Variants in PATL1 observed in about 807,000 individuals in gnomAD.
The protein encoded by PATL1 is protein PAT1 homolog 1.
PATL1 carries 32 observed loss-of-function variants against 100.6 expected under a neutral mutation model. The observed-to-expected ratio is 0.32, with a 90% confidence interval of 0.24 to 0.43. PATL1 has a LOEUF of 0.43. Among genes scored for constraint, PATL1 ranks in the 20% least tolerant of loss-of-function variants. The probability of loss-of-function intolerance (pLI) is 1.00; values close to 1 mark genes in which losing one functional copy is unlikely to be tolerated. For synonymous variants in PATL1, 332 were observed against 330.0 expected (o/e 1.01, Z -0.07); for missense variants, 747 against 949.9 (o/e 0.79, Z 2.81).
chr11:59,667,717 G>A (rs1215140762), intron 1 of PATL1, among the ~76,000 whole-genome samples: 1 of 152,218 alleles, frequency 6.6e-6, no homozygotes, highest in Non-Finnish European at 1.5e-5. Context: ...AGAGAGTTGT[G>A]ATGATCAAAG....
chr11:59,639,324 G>T lies in PATL1; in HGVS notation c.2109C>A (p.Asp703Glu). The T allele has an allele frequency of 6.4e-7, 1 of 1,551,450 alleles. No individual in the cohort carries two copies. The highest frequency in any genetic ancestry group is 8.7e-7 in the Non-Finnish European group (1 of 1,147,164). ...TATTTTGTGTTGATTCTGTAGCAGGGTCTGAACTCTGTAGGTCTTCACCAC... is the reference window on the plus strand; with the variant it reads ...TATTTTGTGTTGATTCTGTAGCAGGTTCTGAACTCTGTAGGTCTTCACCAC... ...LSRGEDLQSS[D>E]PATESTQNNQ... Residue 703 changes from aspartate (D) to glutamate (E), a missense_variant, in exon 17 of 19, where the codon GAC becomes GAA. Around this residue, in one of 4 missense-constraint regions of PATL1, gnomAD observed 434 missense variants for 596.1 expected, o/e 0.73. Coordinates refer to ENST00000300146, the MANE Select transcript of PATL1 (RefSeq NM_152716.3).
At chr11:59,656,352 A>G (rs1305309578) in intron 6 of PATL1, 147 bp downstream of exon 6, 2 of 712,146 alleles carry the variant, frequency 2.8e-6, no homozygotes, top group African/African-American at 1.8e-5. Flanking sequence ...ACCTGGGGAC[A>G]ATTAGATCCA....
chr11:59,668,833 A>G, intron 1 of PATL1, 48 bp downstream of exon 1: 3 of 812,600 alleles, frequency 3.7e-6, no homozygotes, highest in Admixed American at 2.7e-5. Context: ...AGTGAGGGAG[A>G]GGGGCGCGGG....
At chr11:59,660,507 G>GT (rs1263456434) in intron 2 of PATL1, among the ~76,000 whole-genome samples, 1 of 152,208 alleles carries the variant, frequency 6.6e-6, no homozygotes, top group Non-Finnish European at 1.5e-5. Flanking sequence ...ATTCTAAAGA[G>GT]TAAGAGGGTT....
intron 14 of PATL1, 40 bp downstream of exon 14, chr11:59,649,422 G>T (rs1405322094): frequency 3.7e-6 from 6 of 1,602,816 alleles, no homozygotes; most frequent in Middle Eastern, 1.7e-4. Flanking sequence ...ACAGAGGAAG[G>T]AGTCCAGTTA....
Position 59,650,815 on chromosome 11 carries a change from T to A in PATL1, c.1525-2A>T. On this transcript the variant is annotated splice_acceptor_variant, in intron 12 of 18. Transcript: ENST00000300146. LOFTEE classifies it high-confidence loss of function. ...TCGAACTTGTTTTTCTTTTGTCTCC[T>A]AAAAAAGAGAAGACTATTCAATGCA... 6.5e-7 allele frequency: 1 copy of A among 1,545,752 alleles called. No homozygotes were observed.
At chr11:59,660,611 A>G (rs1861613814) in intron 2 of PATL1, among the ~76,000 whole-genome samples, 1 of 152,126 alleles carries the variant, frequency 6.6e-6, no homozygotes, top group Admixed American at 6.6e-5. Flanking sequence ...GTTTTGAGAA[A>G]CGGCAAGGAG....
chr11:59,664,715 T>C (rs983019436), intron 2 of PATL1, among the ~76,000 whole-genome samples: 5 of 152,126 alleles, frequency 3.3e-5, no homozygotes, highest in African/African-American at 1.2e-4. Flanking sequence ...AAGTGGTACA[T>C]ACCATCATGC....
intron 1 of PATL1, among the ~76,000 whole-genome samples, chr11:59,667,307 C>T (rs12275857): frequency 0.03 from 4,545 of 152,276 alleles, 220 homozygotes; most frequent in African/African-American, 0.1. Flanking sequence ...ATACTGATGA[C>T]AATTAATAAT....
chr11:59,652,823 G>A lies in PATL1; in HGVS notation c.1302+15C>T, dbSNP rs1861465733. 1 of 1,610,020 alleles carries A rather than the reference G, an allele frequency of 6.2e-7. No homozygotes were observed. Among genetic ancestry groups the A allele is most frequent in the Non-Finnish European group, 8.5e-7 (1 of 1,177,650 alleles). On this transcript the variant is annotated intron_variant, in intron 10 of 18. Transcript: ENST00000300146. ...GACCAAACTATTATCCTCAAAACTA[G>A]CACAGAGTATTTACCTGGTAATAAA...
At chr11:59,643,602 G>C (rs778015194) in intron 15 of PATL1, among the ~76,000 whole-genome samples, 2 of 152,062 alleles carry the variant, frequency 1.3e-5, no homozygotes, top group Non-Finnish European at 2.9e-5. Context: ...TGAGGTGGTA[G>C]GTTTGCTTGA....
At chr11:59,644,219 CTA>C (rs1861328932) in intron 15 of PATL1, among the ~76,000 whole-genome samples, 2 of 152,320 alleles carry the variant, frequency 1.3e-5, no homozygotes, top group East Asian at 1.9e-4. Context: ...CTTATTAAAT[CTA>C]TGTTCCTTCT....
At position 59,638,101 on chromosome 11, in the gene PATL1, G is replaced by T. The variant is rs1265896196; in HGVS notation, c.*289C>A. 2.2e-6 allele frequency: 1 copy of T among 452,546 alleles called. No individual in the cohort carries two copies. 28.0% of individuals were successfully genotyped at this position (452,546 alleles called of 1,614,324 possible). ...GGATAAAGGGAGAGATTACACTTGT[G>T]TCTCTAGGGCAAAGAAAATGCAAAA... On this transcript the variant is annotated 3_prime_UTR_variant, in exon 19 of 19. Coordinates refer to ENST00000300146, the MANE Select transcript of PATL1 (RefSeq NM_152716.3).
At position 59,637,914 on chromosome 11, in the gene PATL1, GGTGTGT is replaced by G. The variant is rs370842131; in HGVS notation, c.*470_*475del. 6 of 160,422 alleles carry G rather than the reference GGTGTGT, an allele frequency of 3.7e-5. No homozygotes were observed. Among genetic ancestry groups the G allele is most frequent in the Admixed American group, 1.8e-4 (3 of 16,804 alleles). The allele number at this position is 160,422 out of a possible 1,614,324, so 9.9% of individuals were successfully genotyped here. On this transcript the variant is annotated 3_prime_UTR_variant, in exon 19 of 19. Coordinates refer to ENST00000300146, the MANE Select transcript of PATL1 (RefSeq NM_152716.3). Reference sequence around the variant, plus strand: ...GAAGACCACATAAATACATGTATGGGGTGTGTGTGTGTGTATCTATGTGTGTGTGTA... The same window carrying G: ...GAAGACCACATAAATACATGTATGGGGTGTGTGTATCTATGTGTGTGTGTA...
chr11:59,655,144 C>T (rs190352734), intron 8 of PATL1, among the ~76,000 whole-genome samples: 1 of 152,338 alleles, frequency 6.6e-6, no homozygotes, highest in Admixed American at 6.5e-5. Flanking sequence ...GCTCTCTTTC[C>T]TCTACTGGTT....
In PATL1 at chr11:59,639,140, C is replaced by T. The variant is rs753870123; in HGVS notation, c.2199G>A (p.Leu733=). ...RELLRIPQAA[L]AKPISIPTNL... ...TTGTAGGTATAGAGATTGGCTTGGC[C>T]AGGGCTGCTTGGGGAATCCGCAGAA... is the stretch of plus-strand genomic sequence containing the variant. Residue 733 remains leucine (L), a synonymous_variant, in exon 18 of 19, where the codon CTG becomes CTA. Transcript: ENST00000300146. 1 of 1,613,972 alleles carries T rather than the reference C, an allele frequency of 6.2e-7. No homozygotes were observed. Among genetic ancestry groups the T allele is most frequent in the South Asian group, 1.1e-5 (1 of 91,076 alleles).
At chr11:59,656,365 A>G in intron 6 of PATL1, 134 bp downstream of exon 6, 1 of 754,074 alleles carries the variant, frequency 1.3e-6, no homozygotes, top group East Asian at 2.7e-5. Context: ...TAGATCCAGC[A>G]ATTTAAGTAA....
chr11:59,645,372 C>T lies in PATL1; in HGVS notation c.1894-2337G>A, dbSNP rs537013301. On this transcript the variant is annotated intron_variant, in intron 15 of 18. Transcript: ENST00000300146. ...GTAGGGGCGGCCAGGCAGAGGTGCC[C>T]CTCACTTCCCCCCCCATCCACTTTT... 5.5e-3 allele frequency among the ~76,000 whole-genome samples: 786 copies of T among 143,988 alleles called. 5 individuals carry two copies. Among genetic ancestry groups the T allele is most frequent in the African/African-American group, 0.019 (710 of 38,288 alleles). 94.5% of individuals were successfully genotyped at this position (143,988 alleles called of 152,430 possible).
At chr11:59,651,383 T>C (rs1861441161) in intron 12 of PATL1, among the ~76,000 whole-genome samples, 161 bp downstream of exon 12, 1 of 152,218 alleles carries the variant, frequency 6.6e-6, no homozygotes, top group African/African-American at 2.4e-5. Flanking sequence ...AAGGTGTTAA[T>C]ACTGCAGCAC....
Sources: gnomAD v4.1 joint callset for allele counts (sites outside exome capture counted in the v4.1 genomes callset) on GRCh38, gnomAD v4.1.1 for gene constraint, gnomAD v4.1.1 regional missense constraint, MANE v1.5 for transcripts, NCBI Gene and HGNC (gene_info 2026-07-23, HGNC 2026-07-21) for gene names.